RORA: variants seen among roughly 807,000 people sequenced by gnomAD.
RORA encodes nuclear receptor ROR-alpha.
A neutral mutation model predicts 69.5 loss-of-function variants in RORA; 7 were observed. The observed-to-expected ratio is 0.10, with a 90% confidence interval of 0.06 to 0.19. The LOEUF is 0.19. Among genes scored for constraint, RORA ranks in the 10% least tolerant of loss-of-function variants. The pLI, the probability that RORA is intolerant of heterozygous loss-of-function variation, is 1.00. For synonymous variants in RORA, 261 were observed against 240.8 expected (o/e 1.08, Z -0.78); for missense variants, 457 against 663.0 (o/e 0.69, Z 3.41).
intron 1 of RORA, among the ~76,000 whole-genome samples, chr15:60,895,805 T>C (rs11071566): frequency 0.67 from 101,694 of 152,106 alleles, 35,175 homozygotes; most frequent in South Asian, 0.82. Context: ...GCTCTTACTT[T>C]GACTTTTTAC....
At chr15:61,181,724 T>C (rs1215157881) in intron 1 of RORA, among the ~76,000 whole-genome samples, 1 of 146,742 alleles carries the variant, frequency 6.8e-6, no homozygotes, top group Non-Finnish European at 1.5e-5. Flanking sequence ...GTCATTTCCA[T>C]GTTCAGCTTT....
intron 2 of RORA, among the ~76,000 whole-genome samples, chr15:60,578,163 A>G (rs1054494893): frequency 2.0e-5 from 3 of 152,196 alleles, no homozygotes; most frequent in Admixed American, 2.0e-4. Context: ...ATACACCGGT[A>G]TATTTTGCAC....
chr15:60,769,159 C>A (rs1180501477), intron 1 of RORA, among the ~76,000 whole-genome samples: 2 of 152,108 alleles, frequency 1.3e-5, no homozygotes, highest in Non-Finnish European at 2.9e-5. Flanking sequence ...AGCTGTTAGT[C>A]CCAGGAAGTA....
chr15:60,970,246 G>C (rs1051284872), intron 1 of RORA, among the ~76,000 whole-genome samples: 1 of 152,172 alleles, frequency 6.6e-6, no homozygotes, highest in Non-Finnish European at 1.5e-5. Flanking sequence ...CTATCTCATG[G>C]AGGTCTTGTG....
intron 1 of RORA, among the ~76,000 whole-genome samples, chr15:61,009,562 A>G (rs1895025272): frequency 6.6e-6 from 1 of 152,248 alleles, no homozygotes; most frequent in African/African-American, 2.4e-5. Context: ...TTTAATTTTA[A>G]TTCAGATAGA....
intron 1 of RORA, among the ~76,000 whole-genome samples, chr15:61,190,757 A>C (rs1359628847): frequency 6.6e-6 from 1 of 152,236 alleles, no homozygotes; most frequent in African/African-American, 2.4e-5. Context: ...CAAAAAAAGA[A>C]AAGAAAAGAA....
At chr15:60,811,908 AT>A (rs1431628806) in intron 1 of RORA, among the ~76,000 whole-genome samples, 1 of 152,204 alleles carries the variant, frequency 6.6e-6, no homozygotes, top group Non-Finnish European at 1.5e-5. Context: ...ATCTCAGGTT[AT>A]TTATGCAAGT....
At chr15:60,920,933 C>T (rs1892025285) in intron 1 of RORA, among the ~76,000 whole-genome samples, 3 of 152,164 alleles carry the variant, frequency 2.0e-5, no homozygotes, top group Non-Finnish European at 4.4e-5. Flanking sequence ...TTTATGAAGC[C>T]TTGAAGGTCT....
At chr15:60,763,065 A>ATTTTTTT (rs374433414) in intron 1 of RORA, among the ~76,000 whole-genome samples, 679 of 48,360 alleles carry the variant, frequency 0.014, 118 homozygotes, top group East Asian at 0.049. Context: ...ATATGCACAG[A>ATTTTTTT]TTTTTTTTTT....
chr15:61,108,410 G>A (rs1394364226), intron 1 of RORA, among the ~76,000 whole-genome samples: 1 of 152,156 alleles, frequency 6.6e-6, no homozygotes, highest in African/African-American at 2.4e-5. Flanking sequence ...CCGGAACAGA[G>A]GTTGGCAAAC....
chr15:60,855,326 T>C (rs1460298075), intron 1 of RORA, among the ~76,000 whole-genome samples: 3 of 152,194 alleles, frequency 2.0e-5, no homozygotes, highest in African/African-American at 4.8e-5. Flanking sequence ...GGAAACCACA[T>C]GACAGATTGT....
chr15:60,715,370 T>C (rs895050304), intron 1 of RORA, among the ~76,000 whole-genome samples: 2 of 152,216 alleles, frequency 1.3e-5, no homozygotes, highest in African/African-American at 4.8e-5. Flanking sequence ...CTGTAAAACA[T>C]CTTCTTCCTT....
intron 1 of RORA, among the ~76,000 whole-genome samples, chr15:60,827,197 C>A (rs1159189863): frequency 6.6e-6 from 1 of 152,140 alleles, no homozygotes; most frequent in Non-Finnish European, 1.5e-5. Flanking sequence ...GGGAGAAATT[C>A]TTTTTTCTTT....
At chr15:61,199,731 G>C (rs1398030649) in intron 1 of RORA, among the ~76,000 whole-genome samples, 1 of 152,184 alleles carries the variant, frequency 6.6e-6, no homozygotes, top group Non-Finnish European at 1.5e-5. Flanking sequence ...TATGGGAAGG[G>C]GGGGAAATGT....
intron 1 of RORA, among the ~76,000 whole-genome samples, chr15:61,144,984 T>G (rs1320506019): frequency 1.3e-5 from 2 of 152,188 alleles, no homozygotes; most frequent in Non-Finnish European, 2.9e-5. Flanking sequence ...AAAGGAAATC[T>G]GAACAGGAAT....
chr15:60,728,726 G>A (rs1238488919), intron 1 of RORA, among the ~76,000 whole-genome samples: 1 of 152,124 alleles, frequency 6.6e-6, no homozygotes. Context: ...TATATGCCAA[G>A]TGCTATTCAT....
rs1896217129 is a variant in RORA at position 61,032,337 on chromosome 15, C to A, written c.166+196716G>T. Among the ~76,000 whole-genome samples, 3 of 152,204 alleles carry A rather than the reference C, an allele frequency of 2.0e-5. No homozygotes were observed. The South Asian group carries it at 6.2e-4, about 31-fold the overall frequency. ...GGTATATCTCCCCCAATACACAAAT[C>A]AAGTAGAATCCTGCAAATAGTGCCC... On this transcript the variant is annotated intron_variant, in intron 1 of 10. Transcript: ENST00000335670.
At chr15:60,773,193 G>C (rs1428127262) in intron 1 of RORA, among the ~76,000 whole-genome samples, 1 of 152,156 alleles carries the variant, frequency 6.6e-6, no homozygotes, top group Admixed American at 6.5e-5. Flanking sequence ...TGGAACACAG[G>C]GAGTCACAGG....
intron 1 of RORA, among the ~76,000 whole-genome samples, chr15:60,721,545 A>G (rs982242043): frequency 6.6e-6 from 1 of 152,264 alleles, no homozygotes; most frequent in Non-Finnish European, 1.5e-5. Flanking sequence ...AATTCACAGT[A>G]TGAAGTGCCG....
Sources: gnomAD v4.1 joint callset for allele counts (sites outside exome capture counted in the v4.1 genomes callset) on GRCh38, gnomAD v4.1.1 for gene constraint, MANE v1.5 for transcripts, NCBI Gene and HGNC (gene_info 2026-07-23, HGNC 2026-07-21) for gene names.